The following SLC9A9 variants were observed in gnomAD, a reference collection of about 807,000 sequenced individuals.
SLC9A9 encodes sodium/hydrogen exchanger 9.
SLC9A9 carries 62 observed loss-of-function variants against 77.8 expected under a neutral mutation model. The observed-to-expected ratio is 0.80, with a 90% CI of 0.65 to 0.98. The LOEUF is 0.98. Ranked by LOEUF, SLC9A9 falls within the 50% of genes least tolerant of loss-of-function variation. The probability of loss-of-function intolerance (pLI) is 0.00; values close to 1 mark genes in which losing one functional copy is unlikely to be tolerated. For missense variants in SLC9A9, 775 were observed against 774.9 expected (o/e 1.00, Z 0.00); for synonymous variants, 320 against 283.5 (o/e 1.13, Z -1.29).
chr3:143,767,092 G>A (rs895421576), intron 4 of SLC9A9, among the ~76,000 whole-genome samples: 3 of 151,988 alleles, frequency 2.0e-5, no homozygotes, highest in Non-Finnish European at 4.4e-5. Flanking sequence ...TTATGGTTAT[G>A]GTGTTTATAA....
Position 143,495,320 on chromosome 3 carries a change from T to A in SLC9A9, c.1203+15A>T, listed in dbSNP as rs1384153704. 1 of 1,573,876 alleles carries A rather than the reference T, an allele frequency of 6.4e-7. No homozygotes were observed. The highest frequency in any genetic ancestry group is 1.1e-5 in the South Asian group (1 of 90,284). ...TCTTCTCTAATCACCCCATGTTCTG[T>A]ATTTCAAAGGATACAAAGGCTCCAA... On this transcript the variant is annotated intron_variant, in intron 10 of 15. Transcript: ENST00000316549.
At chr3:143,526,355 G>C (rs758668691) in intron 9 of SLC9A9, among the ~76,000 whole-genome samples, 1 of 152,214 alleles carries the variant, frequency 6.6e-6, no homozygotes, top group Non-Finnish European at 1.5e-5. Context: ...TGGCTGCCCA[G>C]GAATGCTTAG....
chr3:143,422,723 C>A (rs2034322156), intron 12 of SLC9A9, among the ~76,000 whole-genome samples: 1 of 152,118 alleles, frequency 6.6e-6, no homozygotes, highest in Non-Finnish European at 1.5e-5. Context: ...GCATGTGTAA[C>A]CCTGAATCTA....
intron 12 of SLC9A9, among the ~76,000 whole-genome samples, chr3:143,462,554 C>T (rs1160592310): frequency 1.3e-5 from 2 of 152,134 alleles, no homozygotes; most frequent in African/African-American, 4.8e-5. Context: ...CCTATAAGTA[C>T]CGTAATTCTA....
chr3:143,381,448 T>G (rs1309773546), intron 13 of SLC9A9: 1 of 154,642 alleles, frequency 6.5e-6, no homozygotes, highest in African/African-American at 2.4e-5. Flanking sequence ...TGTGGAACTG[T>G]AAGTCCATTA....
chr3:143,372,610 A>G (rs1015443068), intron 13 of SLC9A9, among the ~76,000 whole-genome samples: 1 of 152,216 alleles, frequency 6.6e-6, no homozygotes, highest in African/African-American at 2.4e-5. Flanking sequence ...TAAAACAAAA[A>G]TAAATGGGGC....
At chr3:143,668,040 T>G (rs1576646655) in intron 5 of SLC9A9, among the ~76,000 whole-genome samples, 1 of 152,266 alleles carries the variant, frequency 6.6e-6, no homozygotes, top group Non-Finnish European at 1.5e-5. Flanking sequence ...ACACGTATGT[T>G]TATTGTGGCA....
intron 11 of SLC9A9, among the ~76,000 whole-genome samples, chr3:143,467,727 AAG>A (rs111531862): frequency 0.04 from 5,771 of 144,562 alleles, 343 homozygotes; most frequent in African/African-American, 0.13. Flanking sequence ...CCTGGCTCTA[AAG>A]AGAGAGAGAG....
At chr3:143,817,740 C>T (rs2009058514) in intron 2 of SLC9A9, among the ~76,000 whole-genome samples, 1 of 152,058 alleles carries the variant, frequency 6.6e-6, no homozygotes, top group Non-Finnish European at 1.5e-5. Flanking sequence ...GGCTCTTCTG[C>T]CATTTTCCAG....
intron 11 of SLC9A9, among the ~76,000 whole-genome samples, chr3:143,483,316 G>A (rs1238201425): frequency 6.6e-6 from 1 of 152,210 alleles, no homozygotes; most frequent in Non-Finnish European, 1.5e-5. Context: ...TGGGGGTGGA[G>A]TGTGGCAGTA....
chr3:143,383,134 G>A lies in SLC9A9; in HGVS notation c.1470-1020C>T, dbSNP rs1164345328. Among the ~76,000 whole-genome samples, 3 of 152,186 alleles carry A rather than the reference G, an allele frequency of 2.0e-5. No homozygotes were observed. The South Asian group carries it at 6.2e-4, about 32-fold the overall frequency. ...TTTTGATGAGGCATCAATGAAAACTGCATTTTATACATCTCATGATTAGAA... is the reference window on the plus strand; with the variant it reads ...TTTTGATGAGGCATCAATGAAAACTACATTTTATACATCTCATGATTAGAA... On this transcript the variant is annotated intron_variant, in intron 12 of 15. Coordinates refer to ENST00000316549, the MANE Select transcript of SLC9A9 (RefSeq NM_173653.4).
chr3:143,753,915 A>C (rs74777024), intron 4 of SLC9A9, among the ~76,000 whole-genome samples: 3,601 of 152,322 alleles, frequency 0.024, 129 homozygotes, highest in African/African-American at 0.078. Flanking sequence ...CTTCACATTT[A>C]ACTCACCAGA....
chr3:143,672,843 T>G (rs1560024557), intron 5 of SLC9A9, among the ~76,000 whole-genome samples: 1 of 152,220 alleles, frequency 6.6e-6, no homozygotes, highest in Non-Finnish European at 1.5e-5. Flanking sequence ...AAAAATATGC[T>G]GTGCTTCTAC....
chr3:143,427,117 G>A (rs572091602), intron 12 of SLC9A9, among the ~76,000 whole-genome samples: 1 of 152,320 alleles, frequency 6.6e-6, no homozygotes, highest in South Asian at 2.1e-4. Context: ...TATGCTATCA[G>A]CACTGATGGG....
chr3:143,827,291 T>C (rs2009324226), intron 2 of SLC9A9, among the ~76,000 whole-genome samples: 1 of 152,234 alleles, frequency 6.6e-6, no homozygotes, highest in South Asian at 2.1e-4. Flanking sequence ...GGTGGAAACA[T>C]TGGCTGAACA....
chr3:143,384,892 G>A (rs2293328), intron 12 of SLC9A9, among the ~76,000 whole-genome samples: 60,311 of 151,948 alleles, frequency 0.4, 12,281 homozygotes, highest in Admixed American at 0.46. Context: ...ATGTACCACA[G>A]CTTAAGGGCC....
intron 5 of SLC9A9, among the ~76,000 whole-genome samples, chr3:143,673,303 C>A (rs1310477317): frequency 1.3e-5 from 2 of 152,140 alleles, no homozygotes; most frequent in African/African-American, 4.8e-5. Flanking sequence ...AGGAGCCCTG[C>A]AGGATGAGAA....
intron 6 of SLC9A9, among the ~76,000 whole-genome samples, chr3:143,611,935 T>C (rs1344057008): frequency 6.6e-6 from 1 of 152,190 alleles, no homozygotes; most frequent in Non-Finnish European, 1.5e-5. Flanking sequence ...AGGGTCTCAC[T>C]ATGTTGCCCA....
chr3:143,840,303 T>A (rs2009675473), intron 1 of SLC9A9, among the ~76,000 whole-genome samples: 1 of 151,512 alleles, frequency 6.6e-6, no homozygotes. Context: ...CATCTTGGGC[T>A]CATGCACACA....
Sources: allele counts gnomAD v4.1 joint callset (sites outside exome capture counted in the v4.1 genomes callset), GRCh38; gene constraint gnomAD v4.1.1; transcripts MANE v1.5; gene names NCBI Gene and HGNC (gene_info 2026-07-23, HGNC 2026-07-21).